FBLIM1: variants seen among roughly 807,000 people sequenced by gnomAD.
The protein encoded by FBLIM1 is filamin binding LIM protein 1.
In FBLIM1, 29 loss-of-function variants were observed where a neutral mutation model predicts 37.4. The observed-to-expected ratio is 0.77, with a 90% CI of 0.58 to 1.06. The LOEUF (loss-of-function observed/expected upper bound fraction) is 1.06. Among genes scored for constraint, FBLIM1 ranks in the 50% least tolerant of loss-of-function variants. The pLI is 0.00. For synonymous variants in FBLIM1, 193 were observed against 199.0 expected, an observed-to-expected ratio of 0.97 and a Z score of 0.25; for missense variants, 449 against 505.6, an observed-to-expected ratio of 0.89 and a Z score of 1.07.
At chr1:15,768,940 G>T (rs1264692296) in intron 5 of FBLIM1, among the ~76,000 whole-genome samples, 1 of 152,150 alleles carries the variant, frequency 6.6e-6, no homozygotes, top group Non-Finnish European at 1.5e-5. Flanking sequence ...CAGCATGAGT[G>T]GGGACACAGT....
At chr1:15,773,402 G>A (rs145268153) in intron 6 of FBLIM1, among the ~76,000 whole-genome samples, 45 of 149,096 alleles carry the variant, frequency 3.0e-4, no homozygotes, top group African/African-American at 1.0e-3. Flanking sequence ...AAAAAGCCTG[G>A]GCACGGTGGC....
intron 6 of FBLIM1, among the ~76,000 whole-genome samples, chr1:15,771,258 T>TG (rs1016699072): frequency 2.7e-5 from 4 of 150,882 alleles, no homozygotes; most frequent in African/African-American, 9.8e-5. Flanking sequence ...TGTTTTTTTT[T>TG]TTTTTTAAGA....
rs114298621 is a variant in FBLIM1 at position 15,785,017 on chromosome 1, C to G, written c.*356C>G. On this transcript the variant is annotated 3_prime_UTR_variant, in exon 9 of 9. Transcript: ENST00000375766. ...CCTGTGGGGTTGAGCTGTTTGAGGACAAACTCCAAGGTCCCTTAAAAAGTG... is the reference window on the plus strand; with the variant it reads ...CCTGTGGGGTTGAGCTGTTTGAGGAGAAACTCCAAGGTCCCTTAAAAAGTG... 1,275 of 190,450 alleles carry G rather than the reference C, an allele frequency of 6.7e-3. 12 individuals are homozygous for G. The highest frequency in any genetic ancestry group is 0.028 in the African/African-American group (1,222 of 43,670). The allele number at this position is 190,450 out of a possible 1,614,324, so 11.8% of individuals were successfully genotyped here.
rs1437573303 is a variant in FBLIM1, at chr1:15,785,975, T to C, written c.*1314T>C. ...GGGAACAGGGTGCAGGGGCCAAGCG[T>C]TCCTCCTTCAGCCTTGACTTGGGCC... On this transcript the variant is annotated 3_prime_UTR_variant, in exon 9 of 9. Coordinates refer to ENST00000375766, the MANE Select transcript of FBLIM1 (RefSeq NM_017556.4). The C allele has an allele frequency of 6.6e-6, 1 of 152,260 alleles. No individual in the cohort carries two copies. The highest frequency in any genetic ancestry group is 1.5e-5 in the Non-Finnish European group (1 of 68,150). The allele number at this position is 152,260 out of a possible 1,614,324, so 9.4% of individuals were successfully genotyped here. A position where few individuals can be genotyped will look rare whatever the true frequency, so the allele number is the denominator to read the frequency against.
chr1:15,758,245 T>A (rs2068493013), upstream of FBLIM1: 2 of 152,210 alleles, frequency 1.3e-5, no homozygotes, highest in Admixed American at 1.3e-4. This position sits in a 1 kb window ranked among gnomAD's most constrained non-coding sequence, Gnocchi z 6.2. Context: ...GGAGGTGGCG[T>A]GACTGCTCCG....
At chr1:15,767,331 C>T (rs372491738) in intron 3 of FBLIM1, 45 bp from the exon 4 acceptor site, 5 of 1,489,688 alleles carry the variant, frequency 3.4e-6, no homozygotes, top group African/African-American at 2.9e-5. Flanking sequence ...CCTCCCAGGT[C>T]CACCTGGGAG....
At chr1:15,759,586 C>G (rs904097835) in intron 1 of FBLIM1, among the ~76,000 whole-genome samples, 3 of 152,220 alleles carry the variant, frequency 2.0e-5, no homozygotes, top group Non-Finnish European at 2.9e-5. Flanking sequence ...TCCCTCTCAG[C>G]TGCTGCCTAA....
At chr1:15,771,960 G>A (rs1296016499) in intron 6 of FBLIM1, among the ~76,000 whole-genome samples, 1 of 151,978 alleles carries the variant, frequency 6.6e-6, no homozygotes, top group Non-Finnish European at 1.5e-5. Context: ...GGGAATCTGT[G>A]TTGCTTCCGG....
At chr1:15,770,272 G>A in intron 5 of FBLIM1, 137 bp from the exon 6 acceptor site, 1 of 881,458 alleles carries the variant, frequency 1.1e-6, no homozygotes, top group East Asian at 2.6e-5. Flanking sequence ...TGCTCCTCAT[G>A]ACCCTCTGTA....
At chr1:15,767,232 G>A in intron 3 of FBLIM1, 144 bp from the exon 4 acceptor site, 1 of 635,906 alleles carries the variant, frequency 1.6e-6, no homozygotes, top group Non-Finnish European at 2.6e-6. Context: ...CAGCAAATCA[G>A]TGGCAGAGTT....
In FBLIM1 at chr1:15,764,995, G is replaced by T. The variant is rs2068846763; in HGVS notation, c.12G>T (p.Lys4Asn). ...CAGGAGCTGAAGCCATGGCCTCAAA[G>T]CCTGAGAAGAGGGTGGCATCGTCTG... MAS[K>N]PEKRVASSVF... Residue 4 changes from lysine to asparagine, a missense_variant, in exon 3 of 9, where the codon AAG (lysine) becomes AAT (asparagine). Lys to Asn is a moderately conservative substitution (Grantham distance 94). Coordinates refer to ENST00000375766, the MANE Select transcript of FBLIM1 (RefSeq NM_017556.4). The T allele has an allele frequency of 6.2e-7, 1 of 1,613,178 alleles. No individual in the cohort carries two copies. The highest frequency in any genetic ancestry group is 8.5e-7 in the Non-Finnish European group (1 of 1,179,654).
At chr1:15,777,721 C>T (rs1485234404) in intron 8 of FBLIM1, among the ~76,000 whole-genome samples, 7 of 151,912 alleles carry the variant, frequency 4.6e-5, no homozygotes, top group Admixed American at 3.9e-4. Flanking sequence ...TACAGGCGCG[C>T]ACCACCACAC....
chr1:15,764,049 C>T (rs548797620), intron 1 of FBLIM1, among the ~76,000 whole-genome samples: 1 of 152,298 alleles, frequency 6.6e-6, no homozygotes, highest in East Asian at 1.9e-4. Flanking sequence ...TTGCCCCCTG[C>T]CCACTGCCCA....
chr1:15,775,001 G>A (rs375851146), intron 7 of FBLIM1: 18 of 1,008,294 alleles, frequency 1.8e-5, no homozygotes, highest in South Asian at 1.0e-4. Flanking sequence ...GGTGGATCAC[G>A]AGGTCAGGAG....
chr1:15,762,267 T>G (rs937980516), intron 1 of FBLIM1, among the ~76,000 whole-genome samples: 2 of 148,148 alleles, frequency 1.3e-5, no homozygotes, highest in East Asian at 2.0e-4. Flanking sequence ...TTTGTTTTTT[T>G]TTTTTTTTTT....
intron 8 of FBLIM1, among the ~76,000 whole-genome samples, chr1:15,780,818 G>A (rs2069616155): frequency 6.6e-6 from 1 of 152,186 alleles, no homozygotes; most frequent in South Asian, 2.1e-4. Context: ...GCTGGGTAGA[G>A]AAGTTGATAA....
chr1:15,763,799 A>G (rs1186921430), intron 1 of FBLIM1, among the ~76,000 whole-genome samples: 1 of 151,426 alleles, frequency 6.6e-6, no homozygotes, highest in East Asian at 2.0e-4. Flanking sequence ...ACCACCACGC[A>G]TGGCTAATTT....
chr1:15,763,137 C>T (rs951661953), intron 1 of FBLIM1, among the ~76,000 whole-genome samples: 16 of 151,610 alleles, frequency 1.1e-4, no homozygotes, highest in African/African-American at 3.9e-4. Flanking sequence ...GGTGCCATCT[C>T]ACCTCACTGC....
chr1:15,783,159 G>A (rs534356952), intron 8 of FBLIM1, among the ~76,000 whole-genome samples: 74 of 152,252 alleles, frequency 4.9e-4, no homozygotes, highest in African/African-American at 1.5e-3. Flanking sequence ...AAGTCTCTGC[G>A]CGCAAATTGT....
Sources: gnomAD v4.1 joint callset for allele counts (sites outside exome capture counted in the v4.1 genomes callset) on GRCh38, gnomAD v4.1.1 for gene constraint, Gnocchi (gnomAD v3.1) non-coding constraint, MANE v1.5 for transcripts, NCBI Gene and HGNC (gene_info 2026-07-23, HGNC 2026-07-21) for gene names.